The following TTC6 variants were observed in gnomAD, a reference collection of about 807,000 sequenced individuals.
The protein encoded by TTC6 is tetratricopeptide repeat protein 6.
A neutral mutation model predicts 210.4 loss-of-function variants in TTC6; 172 were observed. The observed-to-expected ratio is 0.82, with a 90% CI of 0.72 to 0.93. The LOEUF (loss-of-function observed/expected upper bound fraction) is 0.93. Among genes scored for constraint, TTC6 ranks in the 40% least tolerant of loss-of-function variants. TTC6 has a pLI of 0.00. For missense variants in TTC6, 2,414 were observed against 2,318.1 expected (o/e 1.04, Z -0.85); for synonymous variants, 804 against 819.6 (o/e 0.98, Z 0.32).
At chr14:37,806,832 A>G (rs1001810735) in intron 22 of TTC6, among the ~76,000 whole-genome samples, 2 of 152,194 alleles carry the variant, frequency 1.3e-5, no homozygotes, top group African/African-American at 2.4e-5. Context: ...CCTGCCTTTT[A>G]ATAGACTATA....
chr14:37,813,988 A>T (rs892799509), intron 25 of TTC6, among the ~76,000 whole-genome samples: 1 of 152,220 alleles, frequency 6.6e-6, no homozygotes, highest in Non-Finnish European at 1.5e-5. Flanking sequence ...TAGCTTTCCA[A>T]CTGGCTTAAG....
intron 1 of TTC6, among the ~76,000 whole-genome samples, chr14:37,625,364 A>G (rs2095658392): frequency 1.3e-5 from 2 of 151,674 alleles, no homozygotes; most frequent in African/African-American, 2.4e-5. Flanking sequence ...CCTGGCCAAC[A>G]TGGTGAAACC....
At chr14:37,826,151 T>C (rs766429427) in intron 27 of TTC6, 44 bp from the exon 30 acceptor site, 4 of 1,558,206 alleles carry the variant, frequency 2.6e-6, no homozygotes, top group Non-Finnish European at 2.6e-6. Context: ...GTTTGTCATG[T>C]TATGGAGTAT....
chr14:37,604,684 G>A (rs2095621871), intron 1 of TTC6, among the ~76,000 whole-genome samples: 1 of 152,098 alleles, frequency 6.6e-6, no homozygotes, highest in Non-Finnish European at 1.5e-5. Context: ...GGAGAGGGGA[G>A]ATGAGGAAGA....
At chr14:37,687,671 G>A (rs934618187) in intron 3 of TTC6, among the ~76,000 whole-genome samples, 4 of 152,170 alleles carry the variant, frequency 2.6e-5, no homozygotes. Flanking sequence ...GCACTGGTCA[G>A]TGTCATGAGG....
intron 20 of TTC6, among the ~76,000 whole-genome samples, chr14:37,802,649 G>A (rs200160161): frequency 6.6e-6 from 1 of 152,092 alleles, no homozygotes; most frequent in East Asian, 1.9e-4. Context: ...TAAATGTGTG[G>A]TAATTTGACC....
intron 2 of TTC6, among the ~76,000 whole-genome samples, chr14:37,613,825 C>T (rs1473229478): frequency 6.6e-6 from 1 of 151,362 alleles, no homozygotes; most frequent in African/African-American, 2.4e-5. Context: ...TCTTTCATTC[C>T]TGATATTGGT....
At chr14:37,733,252 T>A (rs939719718) in intron 7 of TTC6, among the ~76,000 whole-genome samples, 1 of 152,200 alleles carries the variant, frequency 6.6e-6, no homozygotes, top group Admixed American at 6.5e-5. Flanking sequence ...CCAAACTAAA[T>A]TTTCATTTTA....
intron 14 of TTC6, among the ~76,000 whole-genome samples, chr14:37,784,024 A>G (rs982573588): frequency 1.1e-4 from 16 of 152,220 alleles, no homozygotes; most frequent in African/African-American, 2.6e-4. Flanking sequence ...GTTCTTTTAC[A>G]TTTGCTGAGG....
intron 2 of TTC6, among the ~76,000 whole-genome samples, chr14:37,682,473 T>G (rs1052217727): frequency 6.6e-6 from 1 of 151,996 alleles, no homozygotes; most frequent in African/African-American, 2.4e-5. Context: ...ATAAAGAAAA[T>G]TTCATAGTAT....
intron 1 of TTC6, among the ~76,000 whole-genome samples, chr14:37,626,030 A>G (rs933025029): frequency 2.6e-5 from 4 of 152,192 alleles, no homozygotes; most frequent in African/African-American, 9.7e-5. Flanking sequence ...TCTATACACT[A>G]GATACTAGTA....
chr14:37,621,896 T>C (rs2095651663), upstream of TTC6, among the ~76,000 whole-genome samples: 1 of 152,006 alleles, frequency 6.6e-6, no homozygotes, highest in Non-Finnish European at 1.5e-5. Context: ...GGATATAAAA[T>C]TACATGATAA....
chr14:37,666,362 C>T (rs1003347869), intron 1 of TTC6, among the ~76,000 whole-genome samples: 14 of 148,488 alleles, frequency 9.4e-5, no homozygotes, highest in Admixed American at 2.7e-4. Context: ...ACTGTAATCC[C>T]GGCACTCTGG....
chr14:37,768,011 C>G (rs2096004753), intron 14 of TTC6, among the ~76,000 whole-genome samples: 2 of 150,056 alleles, frequency 1.3e-5, no homozygotes, highest in South Asian at 4.2e-4. Context: ...TTTCAGCTTT[C>G]TACATATGGC....
intron 29 of TTC6, among the ~76,000 whole-genome samples, chr14:37,833,307 A>G (rs1024220219): frequency 2.6e-5 from 4 of 152,126 alleles, no homozygotes; most frequent in African/African-American, 9.7e-5. Context: ...TGTTTGATGC[A>G]TATATATTTA....
At chr14:37,705,030 ACTG>A (rs1204701876) in intron 5 of TTC6, among the ~76,000 whole-genome samples, 1 of 152,060 alleles carries the variant, frequency 6.6e-6, no homozygotes, top group African/African-American at 2.4e-5. Context: ...TCTATCTAAA[ACTG>A]CTTGTGTATT....
intron 14 of TTC6, among the ~76,000 whole-genome samples, chr14:37,782,026 G>A (rs2096056319): frequency 6.6e-6 from 1 of 152,130 alleles, no homozygotes; most frequent in Non-Finnish European, 1.5e-5. Context: ...TTTGGTTACT[G>A]TAGCCTTGTA....
intron 2 of TTC6, among the ~76,000 whole-genome samples, chr14:37,608,516 A>G (rs1392441391): frequency 6.6e-6 from 1 of 152,092 alleles, no homozygotes; most frequent in African/African-American, 2.4e-5. Context: ...TATATTGCTC[A>G]GGCTGGTCTT....
intron 7 of TTC6, among the ~76,000 whole-genome samples, chr14:37,726,453 C>A (rs990524962): frequency 2.6e-5 from 4 of 151,990 alleles, no homozygotes; most frequent in Admixed American, 2.0e-4. Flanking sequence ...CTTTGCATTT[C>A]TTGGATTACT....
Sources: allele counts gnomAD v4.1 joint callset (sites outside exome capture counted in the v4.1 genomes callset), GRCh38; gene constraint gnomAD v4.1.1; transcripts MANE v1.5; gene names NCBI Gene and HGNC (gene_info 2026-07-23, HGNC 2026-07-21).